ASAP1: variants seen among roughly 807,000 people sequenced by gnomAD.
ASAP1 encodes the protein ArfGAP with SH3 domain, ankyrin repeat and PH domain 1.
A neutral mutation model predicts 145.2 loss-of-function variants in ASAP1; 43 were observed. The ratio of observed to expected loss-of-function variants is 0.30; its 90% CI spans 0.23 to 0.38. The LOEUF (loss-of-function observed/expected upper bound fraction) is 0.38. Among genes scored for constraint, ASAP1 ranks in the 10% least tolerant of loss-of-function variants. The pLI, the probability that ASAP1 is intolerant of heterozygous loss-of-function variation, is 1.00. For synonymous variants in ASAP1, 546 were observed against 515.5 expected, an observed-to-expected ratio of 1.06 and a Z score of -0.80; for missense variants, 1,018 against 1,355.3, an observed-to-expected ratio of 0.75 and a Z score of 3.91.
chr8:130,206,422 T>C (rs1816225033), intron 5 of ASAP1, among the ~76,000 whole-genome samples: 1 of 152,040 alleles, frequency 6.6e-6, no homozygotes, highest in Non-Finnish European at 1.5e-5. Context: ...TTATCAGATA[T>C]TCTTATTTGA....
chr8:130,186,326 A>G (rs1044376731), intron 7 of ASAP1, among the ~76,000 whole-genome samples: 2 of 152,204 alleles, frequency 1.3e-5, no homozygotes, highest in African/African-American at 4.8e-5. Flanking sequence ...TAGTTTGGGA[A>G]AAACTACTTT....
At chr8:130,306,099 CAAG>C (rs1822975308) in intron 3 of ASAP1, among the ~76,000 whole-genome samples, 2 of 152,232 alleles carry the variant, frequency 1.3e-5, no homozygotes, top group South Asian at 4.2e-4. Context: ...AGACCTTCAG[CAAG>C]AAGGTTAACT....
At chr8:130,441,771 G>A (rs919564973) in intron 1 of ASAP1, among the ~76,000 whole-genome samples, 1 of 152,174 alleles carries the variant, frequency 6.6e-6, no homozygotes, top group East Asian at 1.9e-4. Context: ...CAAATGGCAA[G>A]CTTGCGAAAA....
At chr8:130,126,896 T>A (rs1295378794) in intron 16 of ASAP1, among the ~76,000 whole-genome samples, 1 of 152,206 alleles carries the variant, frequency 6.6e-6, no homozygotes, top group Non-Finnish European at 1.5e-5. Context: ...TTGTTCTGAC[T>A]CCTACTAGCT....
At chr8:130,186,919 T>C (rs941952157) in intron 7 of ASAP1, among the ~76,000 whole-genome samples, 1 of 152,204 alleles carries the variant, frequency 6.6e-6, no homozygotes. Context: ...AAATGGTCCA[T>C]AATTACATGC....
chr8:130,366,908 T>TTTTTTTTTTTTTTTTTTTTTTTTTTTA, intron 2 of ASAP1, among the ~76,000 whole-genome samples: 1 of 145,000 alleles, frequency 6.9e-6, no homozygotes, highest in Non-Finnish European at 1.5e-5. Context: ...TTTTTTTTTT[T>TTTTTTTTTTTTTTTTTTTTTTTTTTTA]GAGACAGAGT....
chr8:130,094,341 G>A (rs56406931), intron 24 of ASAP1, among the ~76,000 whole-genome samples: 3,675 of 152,058 alleles, frequency 0.024, 72 homozygotes, highest in Non-Finnish European at 0.034. Context: ...CTCCTGAGTA[G>A]CTGGGACTAC....
intron 15 of ASAP1, among the ~76,000 whole-genome samples, chr8:130,133,645 AGAGC>A (rs2097586937): frequency 6.6e-6 from 1 of 151,536 alleles, no homozygotes; most frequent in Admixed American, 6.6e-5. Flanking sequence ...CCTGGGCGAC[AGAGC>A]GAGACTCCGT....
intron 2 of ASAP1, among the ~76,000 whole-genome samples, chr8:130,395,500 G>A (rs1288499889): frequency 6.6e-6 from 1 of 152,200 alleles, no homozygotes; most frequent in Non-Finnish European, 1.5e-5. Flanking sequence ...GACAACACAG[G>A]CAGGAACTGG....
intron 4 of ASAP1, among the ~76,000 whole-genome samples, chr8:130,216,971 A>G (rs1368827839): frequency 6.6e-6 from 1 of 152,250 alleles, no homozygotes; most frequent in Non-Finnish European, 1.5e-5. Context: ...TATACTGTGC[A>G]TCAGATCTTG....
At chr8:130,130,056 C>T (rs1478269852) in intron 15 of ASAP1, among the ~76,000 whole-genome samples, 1 of 152,214 alleles carries the variant, frequency 6.6e-6, no homozygotes, top group African/African-American at 2.4e-5. Flanking sequence ...ATTTCGCTTT[C>T]CTCAGGCATT....
chr8:130,371,498 C>T (rs1349818438), intron 2 of ASAP1, among the ~76,000 whole-genome samples: 4 of 152,210 alleles, frequency 2.6e-5, no homozygotes. Flanking sequence ...CTTCCAGCCT[C>T]CCTTACAGCT....
At chr8:130,367,944 T>C (rs1201397468) in intron 2 of ASAP1, among the ~76,000 whole-genome samples, 2 of 152,210 alleles carry the variant, frequency 1.3e-5, no homozygotes, top group African/African-American at 2.4e-5. Flanking sequence ...ATTGCTCCAC[T>C]TGAAACAGGA....
intron 1 of ASAP1, among the ~76,000 whole-genome samples, chr8:130,442,565 C>T (rs569996745): frequency 7.9e-5 from 12 of 152,140 alleles, no homozygotes; most frequent in African/African-American, 2.9e-4. Context: ...CTGATGTCAT[C>T]CCAGAATCAA....
rs376525515 is a variant in ASAP1 at position 130,124,206 on chromosome 8, C to T, written c.1516-102G>A. 59 of 845,794 alleles carry T rather than the reference C, an allele frequency of 7.0e-5. No homozygotes were observed. In the African/African-American group the frequency reaches 9.1e-4, roughly 13 times the overall value. 52.4% of individuals were successfully genotyped at this position (845,794 alleles called of 1,614,324 possible). On this transcript the variant is annotated intron_variant, in intron 17 of 29. Coordinates refer to ENST00000518721, the MANE Select transcript of ASAP1 (RefSeq NM_018482.4). ...TGAGATTTATGAATATGTATTTTCC[C>T]TCATTTGACTTAGAATACAAACCAC... is the stretch of plus-strand genomic sequence containing the variant.
At position 130,116,690 on chromosome 8, in the gene ASAP1, C is replaced by T; in HGVS notation, c.2052G>A (p.Gln684=). The part of the protein sequence containing the change: ...LDIAKRLKAT[Q]CEDLLSQAKS... ...CATTTTTGCTTACCAGATCTTCACA[C>T]TGGGTAGCTTTTAGTCTCTTTGCTA... is the stretch of plus-strand genomic sequence containing the variant. The change falls in exon 22 of 30, where the codon CAG becomes CAA. Residue 684 remains glutamine, a synonymous_variant. Transcript: ENST00000518721. The T allele has an allele frequency of 1.2e-6, 2 of 1,614,058 alleles. No homozygotes were observed. Among genetic ancestry groups the T allele is most frequent in the South Asian group, 1.1e-5 (1 of 91,072 alleles).
At chr8:130,417,053 C>T (rs150117797) in intron 1 of ASAP1, among the ~76,000 whole-genome samples, 1 of 151,142 alleles carries the variant, frequency 6.6e-6, no homozygotes, top group Non-Finnish European at 1.5e-5. Context: ...TGTACAACTG[C>T]ATACACACAT....
At chr8:130,216,916 C>T (rs1816961940) in intron 4 of ASAP1, among the ~76,000 whole-genome samples, 1 of 152,200 alleles carries the variant, frequency 6.6e-6, no homozygotes, top group Non-Finnish European at 1.5e-5. Flanking sequence ...GCTACTTTTG[C>T]CTCCCAGCAG....
intron 25 of ASAP1, among the ~76,000 whole-genome samples, chr8:130,080,502 G>C (rs2097476965): frequency 7.0e-6 from 1 of 142,302 alleles, no homozygotes; most frequent in Admixed American, 7.2e-5. Flanking sequence ...TTTTGAGACA[G>C]TCTCACTCTG....
Sources: gnomAD v4.1 joint callset for allele counts (sites outside exome capture counted in the v4.1 genomes callset) on GRCh38, gnomAD v4.1.1 for gene constraint, MANE v1.5 for transcripts, NCBI Gene and HGNC (gene_info 2026-07-23, HGNC 2026-07-21) for gene names.